The following GPM6A variants were observed in gnomAD, a reference collection of about 807,000 sequenced individuals.
GPM6A encodes the protein neuronal membrane glycoprotein M6-a.
Under a neutral mutation model 32.1 loss-of-function variants are expected in GPM6A, and 7 were observed. The observed-to-expected ratio is 0.22, with a 90% CI of 0.12 to 0.41. GPM6A has a LOEUF of 0.41. Ranked by LOEUF, GPM6A falls within the 10% of genes least tolerant of loss-of-function variation. The pLI is 1.00. For missense variants in GPM6A, 235 were observed against 347.2 expected (o/e 0.68, Z 2.57); for synonymous variants, 130 against 123.4 (o/e 1.05, Z -0.35).
intron 1 of GPM6A, among the ~76,000 whole-genome samples, chr4:175,855,555 G>A (rs1363498352): frequency 6.6e-6 from 1 of 152,156 alleles, no homozygotes; most frequent in Non-Finnish European, 1.5e-5. Context: ...CTGAACATAA[G>A]CACTCTATTC....
At chr4:175,950,106 G>A (rs532370974) in intron 1 of GPM6A, among the ~76,000 whole-genome samples, 2 of 152,208 alleles carry the variant, frequency 1.3e-5, no homozygotes, top group East Asian at 3.9e-4. Context: ...ATTTTGCAAT[G>A]AATATAAAGG....
intron 1 of GPM6A, among the ~76,000 whole-genome samples, chr4:175,978,218 A>C (rs1579681487): frequency 6.6e-6 from 1 of 152,196 alleles, no homozygotes; most frequent in South Asian, 2.1e-4. Flanking sequence ...TCATGGCAGA[A>C]GGTGAAAGGG....
intron 1 of GPM6A, among the ~76,000 whole-genome samples, chr4:175,831,395 A>G (rs1287904397): frequency 6.6e-6 from 1 of 152,300 alleles, no homozygotes; most frequent in Non-Finnish European, 1.5e-5. Context: ...CTAAGCTTAC[A>G]TTTTCAAAGT....
At chr4:175,647,204 C>G (rs1033755665) in intron 4 of GPM6A, among the ~76,000 whole-genome samples, 1 of 152,184 alleles carries the variant, frequency 6.6e-6, no homozygotes, top group Non-Finnish European at 1.5e-5. Flanking sequence ...CCTACTTTCT[C>G]TCTGTGTTGG....
intron 1 of GPM6A, among the ~76,000 whole-genome samples, chr4:175,995,831 G>A (rs925690481): frequency 6.6e-5 from 10 of 152,144 alleles, no homozygotes; most frequent in African/African-American, 2.4e-4. Flanking sequence ...ATCTTAAACT[G>A]AAAAAGAATT....
intron 1 of GPM6A, among the ~76,000 whole-genome samples, chr4:175,956,551 T>G (rs1191175303): frequency 1.3e-5 from 2 of 152,208 alleles, no homozygotes; most frequent in African/African-American, 4.8e-5. Flanking sequence ...AAATTCCAAA[T>G]GATTTCTCAG....
At chr4:175,738,020 C>T (rs1324490670) in intron 1 of GPM6A, among the ~76,000 whole-genome samples, 1 of 151,840 alleles carries the variant, frequency 6.6e-6, no homozygotes, top group African/African-American at 2.4e-5. Context: ...TCACTGCAAC[C>T]TCCACCTCCT....
At chr4:175,777,156 C>T (rs13124535) in intron 1 of GPM6A, among the ~76,000 whole-genome samples, 65,101 of 151,944 alleles carry the variant, frequency 0.43, 15,713 homozygotes, top group East Asian at 0.88. Context: ...TGCAAACGTA[C>T]ATAGGCTTTG....
chr4:175,981,961 G>A (rs1250819084), intron 1 of GPM6A, among the ~76,000 whole-genome samples: 6 of 151,810 alleles, frequency 4.0e-5, no homozygotes, highest in Non-Finnish European at 8.8e-5. Flanking sequence ...TATTCCCATA[G>A]GTGTATTGTG....
chr4:175,745,859 A>G (rs903261836), intron 1 of GPM6A, among the ~76,000 whole-genome samples: 9 of 152,272 alleles, frequency 5.9e-5, no homozygotes, highest in South Asian at 2.1e-4. Context: ...CTTCATGTGA[A>G]CAAGTTTGAG....
intron 1 of GPM6A, among the ~76,000 whole-genome samples, chr4:175,751,833 AG>A (rs1732350324): frequency 1.3e-5 from 2 of 151,852 alleles, no homozygotes; most frequent in African/African-American, 4.8e-5. Context: ...CATCATGGAG[AG>A]GAAAAAAAGG....
At chr4:175,636,275 T>TACATATAC (rs1277907708) in intron 6 of GPM6A, among the ~76,000 whole-genome samples, 1 of 123,058 alleles carries the variant, frequency 8.1e-6, no homozygotes, top group African/African-American at 2.9e-5. Context: ...TATATATATA[T>TACATATAC]ATATATATAT....
At chr4:175,693,198 G>GT (rs1208063026) in intron 2 of GPM6A, among the ~76,000 whole-genome samples, 1 of 151,036 alleles carries the variant, frequency 6.6e-6, no homozygotes, top group Non-Finnish European at 1.5e-5. Context: ...TATCACCTAA[G>GT]TTTTTTTCTG....
At chr4:175,835,627 G>A (rs1040655512) in intron 1 of GPM6A, among the ~76,000 whole-genome samples, 7 of 138,628 alleles carry the variant, frequency 5.0e-5, no homozygotes, top group African/African-American at 1.3e-4. Context: ...GTGAGTGTGT[G>A]TATATATATA....
intron 1 of GPM6A, among the ~76,000 whole-genome samples, chr4:175,723,515 T>C (rs1453152621): frequency 6.6e-6 from 1 of 152,176 alleles, no homozygotes; most frequent in Non-Finnish European, 1.5e-5. Flanking sequence ...GATGCTATAA[T>C]ACTAAAAGGC....
At chr4:175,950,095 C>A (rs900411091) in intron 1 of GPM6A, among the ~76,000 whole-genome samples, 1 of 152,102 alleles carries the variant, frequency 6.6e-6, no homozygotes, top group African/African-American at 2.4e-5. Flanking sequence ...GAAAGCAATT[C>A]ATTTTGCAAT....
At chr4:175,916,668 G>A (rs1421441215) in intron 1 of GPM6A, among the ~76,000 whole-genome samples, 1 of 152,128 alleles carries the variant, frequency 6.6e-6, no homozygotes, top group Non-Finnish European at 1.5e-5. Context: ...ATTATGGGGG[G>A]AAATATAATA....
chr4:175,978,066 A>T (rs1740713076), intron 1 of GPM6A, among the ~76,000 whole-genome samples: 1 of 152,190 alleles, frequency 6.6e-6, no homozygotes, highest in Non-Finnish European at 1.5e-5. Flanking sequence ...TTAAGAAATA[A>T]TACCATTTTT....
At chr4:175,991,231 ATT>A (rs1554007435) in intron 1 of GPM6A, among the ~76,000 whole-genome samples, 2,552 of 119,030 alleles carry the variant, frequency 0.021, 63 homozygotes, top group African/African-American at 0.069. Context: ...ACTCCCAGCT[ATT>A]TTTTTTTTTT....
Sources: gnomAD v4.1 joint callset for allele counts (sites outside exome capture counted in the v4.1 genomes callset) on GRCh38, gnomAD v4.1.1 for gene constraint, MANE v1.5 for transcripts, NCBI Gene and HGNC (gene_info 2026-07-23, HGNC 2026-07-21) for gene names.